Variants in NAV3 observed in about 807,000 individuals in gnomAD.
NAV3 encodes pore membrane and/or filament interacting like protein 1.
NAV3 carries 87 observed loss-of-function variants against 244.7 expected under a neutral mutation model. That is an observed-to-expected ratio of 0.36 (90% CI 0.30 to 0.42). The LOEUF (loss-of-function observed/expected upper bound fraction) is 0.42. Ranked by LOEUF, NAV3 falls within the 20% of genes least tolerant of loss-of-function variation. The pLI, the probability that NAV3 is intolerant of heterozygous loss-of-function variation, is 1.00. For missense variants in NAV3, 2,663 were observed against 2,893.3 expected (o/e 0.92, Z 1.83); for synonymous variants, 1,126 against 1,042.2 (o/e 1.08, Z -1.55).
intron 2 of NAV3, among the ~76,000 whole-genome samples, chr12:77,689,419 A>C (rs1333201509): frequency 6.6e-6 from 1 of 151,952 alleles, no homozygotes; most frequent in Non-Finnish European, 1.5e-5. Context: ...TTTTGATGCC[A>C]TATACTACCA....
chr12:78,036,835 A>T, intron 9 of NAV3: 1 of 655,984 alleles, frequency 1.5e-6, no homozygotes. Context: ...ATGAAGTCCA[A>T]TTGAAAGGAA....
chr12:77,826,534 A>C (rs1344336773), upstream of NAV3, among the ~76,000 whole-genome samples: 1 of 152,166 alleles, frequency 6.6e-6, no homozygotes, highest in Non-Finnish European at 1.5e-5. Flanking sequence ...ACTGGAAACA[A>C]ATCAAGGGTC....
At position 78,159,152 on chromosome 12, in the gene NAV3, T is replaced by A. The variant is rs746674900; in HGVS notation, c.4786-51T>A. 6 of 1,495,622 alleles carry A rather than the reference T, an allele frequency of 4.0e-6. No individual in the cohort carries two copies. In the Admixed American group the frequency reaches 1.1e-4, roughly 27 times the overall value. The allele number at this position is 1,495,622 out of a possible 1,614,324, so 92.6% of individuals were successfully genotyped here. A position where few individuals can be genotyped will look rare whatever the true frequency, so the allele number is the denominator to read the frequency against. ...TTGTAAAATGAAGGCTTTTCATCCA[T>A]CCACATAAGATTCTGACATTTAAAC... is the stretch of plus-strand genomic sequence containing the variant. On this transcript the variant is annotated intron_variant, in intron 22 of 39. Coordinates refer to ENST00000397909, the MANE Select transcript of NAV3 (RefSeq NM_001024383.2).
intron 2 of NAV3, among the ~76,000 whole-genome samples, chr12:77,622,052 C>T (rs1871393289): frequency 6.6e-6 from 1 of 152,086 alleles, no homozygotes; most frequent in Admixed American, 6.6e-5. Context: ...ATCTTTCTAG[C>T]AAAGTACTTG....
chr12:78,195,141 A>G (rs1401491203), intron 34 of NAV3, among the ~76,000 whole-genome samples: 3 of 152,038 alleles, frequency 2.0e-5, no homozygotes, highest in African/African-American at 7.2e-5. Context: ...ACTGAAAACA[A>G]AGAAGCAAAC....
intron 15 of NAV3, among the ~76,000 whole-genome samples, chr12:78,121,634 T>C (rs1238120741): frequency 6.6e-6 from 1 of 152,166 alleles, no homozygotes; most frequent in African/African-American, 2.4e-5. Flanking sequence ...CTACTGACTT[T>C]GAGTGAAAGT....
intron 2 of NAV3, among the ~76,000 whole-genome samples, chr12:77,781,786 T>C (rs1870673663): frequency 6.6e-6 from 1 of 152,164 alleles, no homozygotes; most frequent in South Asian, 2.1e-4. Flanking sequence ...ACAAGCATGG[T>C]TCTTGGCAAT....
At chr12:77,594,761 A>G (rs1250883864) in intron 2 of NAV3, among the ~76,000 whole-genome samples, 1 of 152,224 alleles carries the variant, frequency 6.6e-6, no homozygotes, top group Non-Finnish European at 1.5e-5. Flanking sequence ...ATTTTACTTC[A>G]TAGAATTTGT....
chr12:77,630,614 G>A (rs12301381), intron 2 of NAV3, among the ~76,000 whole-genome samples: 18,154 of 152,100 alleles, frequency 0.12, 2,008 homozygotes, highest in African/African-American at 0.29. Context: ...TGTGTGAAAT[G>A]CATTAAAGAC....
chr12:77,663,949 A>G (rs149678549), intron 2 of NAV3, among the ~76,000 whole-genome samples: 16 of 152,348 alleles, frequency 1.1e-4, no homozygotes, highest in African/African-American at 3.8e-4. Flanking sequence ...ATAATAAGCA[A>G]TCAATATATT....
intron 18 of NAV3, among the ~76,000 whole-genome samples, chr12:78,134,752 T>C (rs1956302250): frequency 6.6e-6 from 1 of 152,124 alleles, no homozygotes; most frequent in Non-Finnish European, 1.5e-5. Context: ...AGACCCTGTC[T>C]CACAATAATA....
chr12:77,734,508 T>C (rs1458554312), intron 2 of NAV3, among the ~76,000 whole-genome samples: 1 of 152,108 alleles, frequency 6.6e-6, no homozygotes, highest in Admixed American at 6.6e-5. Flanking sequence ...CTGATGACCC[T>C]TATAGAAGTT....
chr12:77,861,487 A>G (rs765888556), intron 1 of NAV3, among the ~76,000 whole-genome samples: 1 of 151,920 alleles, frequency 6.6e-6, no homozygotes, highest in Non-Finnish European at 1.5e-5. Context: ...TATTTAAGCA[A>G]TGTTTCAACA....
intron 2 of NAV3, among the ~76,000 whole-genome samples, chr12:77,770,558 G>C (rs1212977404): frequency 6.6e-6 from 1 of 152,182 alleles, no homozygotes; most frequent in Admixed American, 6.6e-5. Context: ...GCTTGCCCCA[G>C]TGGTTGCCAA....
chr12:77,799,912 G>A (rs1037504842), intron 2 of NAV3, among the ~76,000 whole-genome samples: 1 of 152,014 alleles, frequency 6.6e-6, no homozygotes, highest in African/African-American at 2.4e-5. Context: ...TAATGCTACT[G>A]TAGTTTTTGA....
chr12:77,710,815 G>A (rs557717969), intron 2 of NAV3, among the ~76,000 whole-genome samples: 50 of 151,972 alleles, frequency 3.3e-4, no homozygotes, highest in Non-Finnish European at 6.2e-4. Flanking sequence ...TCCTCTTTTT[G>A]ATCTAGCTCT....
chr12:77,941,156 A>G (rs1889832709), intron 3 of NAV3, 23 bp downstream of exon 3: 1 of 1,379,740 alleles, frequency 7.2e-7, no homozygotes, highest in South Asian at 1.2e-5. Context: ...TTTATTCTCA[A>G]TATATAATGC....
intron 1 of NAV3, among the ~76,000 whole-genome samples, chr12:77,868,067 A>G (rs1169280177): frequency 1.3e-5 from 2 of 151,244 alleles, no homozygotes; most frequent in African/African-American, 4.9e-5. Context: ...CCAAGTTTGA[A>G]TCATTTTCTT....
At chr12:77,709,753 CATCAAAT>C (rs1305500908) in intron 2 of NAV3, among the ~76,000 whole-genome samples, 1 of 152,194 alleles carries the variant, frequency 6.6e-6, no homozygotes, top group East Asian at 1.9e-4. Context: ...CTGTCTCCCT[CATCAAAT>C]TGCAACCTTG....
Sources: gnomAD v4.1 joint callset for allele counts (sites outside exome capture counted in the v4.1 genomes callset) on GRCh38, gnomAD v4.1.1 for gene constraint, MANE v1.5 for transcripts, NCBI Gene and HGNC (gene_info 2026-07-23, HGNC 2026-07-21) for gene names.